The following MAP2 variants were observed in gnomAD, a reference collection of about 807,000 sequenced individuals.
MAP2 encodes microtubule associated protein 2.
MAP2 carries 14 observed loss-of-function variants against 137.6 expected under a neutral mutation model. The ratio of observed to expected loss-of-function variants is 0.10; its 90% CI spans 0.07 to 0.16. The LOEUF (loss-of-function observed/expected upper bound fraction) is 0.16, where lower values mean the gene tolerates loss of function less well. Among genes scored for constraint, MAP2 ranks in the 10% least tolerant of loss-of-function variants. MAP2 has a pLI of 1.00. For synonymous variants in MAP2, 786 were observed against 782.3 expected (o/e 1.00, Z -0.08); for missense variants, 2,088 against 2,191.5 (o/e 0.95, Z 0.94).
chr2:209,679,340 T>C (rs891190380), intron 6 of MAP2, among the ~76,000 whole-genome samples: 1 of 98,228 alleles, frequency 1.0e-5, no homozygotes, highest in Non-Finnish European at 1.8e-5. Context: ...GATAGATAGA[T>C]AGATAGATAG....
At chr2:209,700,484 A>G (rs572861152) in intron 11 of MAP2, 146 bp downstream of exon 11, 465 of 637,022 alleles carry the variant, frequency 7.3e-4, no homozygotes, top group Non-Finnish European at 1.1e-3. Flanking sequence ...TCTCCGTGGC[A>G]TCCAGGCATG....
chr2:209,613,845 G>A (rs2087960261), intron 3 of MAP2, among the ~76,000 whole-genome samples: 1 of 152,112 alleles, frequency 6.6e-6, no homozygotes, highest in East Asian at 1.9e-4. Context: ...AGTCCCAGAC[G>A]AGCCCAGGGT....
chr2:209,587,810 G>A (rs769368729), intron 3 of MAP2, among the ~76,000 whole-genome samples: 4 of 152,178 alleles, frequency 2.6e-5, no homozygotes, highest in African/African-American at 4.8e-5. Context: ...TCTGGACCAT[G>A]CCATGACCAG....
intron 1 of MAP2, among the ~76,000 whole-genome samples, chr2:209,455,589 A>G (rs571051273): frequency 1.3e-5 from 2 of 152,200 alleles, no homozygotes; most frequent in Non-Finnish European, 2.9e-5. Context: ...CACTTCAAAA[A>G]TTATTAGCAT....
Position 209,471,728 on chromosome 2 carries a change from T to C in MAP2, c.-221-35864T>C, listed in dbSNP as rs918512338. Among the ~76,000 whole-genome samples, 5 of 151,910 alleles carry C rather than the reference T, an allele frequency of 3.3e-5. No homozygotes were observed. The East Asian group carries it at 9.7e-4, about 29-fold the overall frequency. On this transcript the variant is annotated intron_variant, in intron 1 of 15. Coordinates refer to ENST00000682079, the MANE Select transcript of MAP2 (RefSeq NM_001375505.1). Reference sequence around the variant, plus strand: ...TATATTAATTTTCTTTTATTTGATATATGTTATTACCTTAAAAATATAGTT... The same window carrying C: ...TATATTAATTTTCTTTTATTTGATACATGTTATTACCTTAAAAATATAGTT...
At chr2:209,479,054 AT>A (rs1708097564) in intron 1 of MAP2, among the ~76,000 whole-genome samples, 1 of 152,194 alleles carries the variant, frequency 6.6e-6, no homozygotes, top group Non-Finnish European at 1.5e-5. Flanking sequence ...GTAAATATTC[AT>A]TTCTAATGTG....
At position 209,494,056 on chromosome 2, in the gene MAP2, G is replaced by A. The variant is rs138350362; in HGVS notation, c.-221-13536G>A. Among the ~76,000 whole-genome samples the A allele has an allele frequency of 6.4e-3, 979 of 152,232 alleles. 13 individuals are homozygous for A. The highest frequency in any genetic ancestry group is 0.022 in the African/African-American group (933 of 41,538). ...CCAAAATGCCCATCAATGTTAGACT[G>A]GATAAAGAAAATTTGGCATACATAC... On this transcript the variant is annotated intron_variant, in intron 1 of 15. Transcript: ENST00000682079.
chr2:209,603,286 T>C (rs2083534162), intron 3 of MAP2, among the ~76,000 whole-genome samples: 1 of 152,176 alleles, frequency 6.6e-6, no homozygotes. Flanking sequence ...TTATTTTTTC[T>C]ACCTACCATG....
intron 1 of MAP2, among the ~76,000 whole-genome samples, chr2:209,476,958 A>G (rs540839301): frequency 1.3e-5 from 2 of 152,324 alleles, no homozygotes; most frequent in African/African-American, 4.8e-5. Context: ...CCTTCATCAC[A>G]AAGATTGGCT....
intron 1 of MAP2, among the ~76,000 whole-genome samples, chr2:209,433,616 A>G (rs757077090): frequency 4.6e-5 from 7 of 152,124 alleles, no homozygotes; most frequent in Non-Finnish European, 7.4e-5. Context: ...TATATCTTCT[A>G]AATCCCTCTA....
At chr2:209,438,254 G>A (rs925849810) in intron 1 of MAP2, among the ~76,000 whole-genome samples, 11 of 151,546 alleles carry the variant, frequency 7.3e-5, no homozygotes, top group Admixed American at 2.6e-4. Context: ...TGTAGATAAG[G>A]ATGTGGATGT....
intron 1 of MAP2, among the ~76,000 whole-genome samples, chr2:209,442,064 A>AT (rs1697923717): frequency 6.6e-6 from 1 of 151,632 alleles, no homozygotes; most frequent in East Asian, 1.9e-4. Flanking sequence ...AAATTTGAGG[A>AT]TTTTCACAAA....
At chr2:209,482,792 C>T (rs926562388) in intron 1 of MAP2, among the ~76,000 whole-genome samples, 1 of 152,140 alleles carries the variant, frequency 6.6e-6, no homozygotes, top group Non-Finnish European at 1.5e-5. Flanking sequence ...TGAATTTTTG[C>T]CTGTTTCTGT....
intron 1 of MAP2, among the ~76,000 whole-genome samples, chr2:209,463,185 C>T (rs1433025429): frequency 6.6e-6 from 1 of 152,180 alleles, no homozygotes; most frequent in Non-Finnish European, 1.5e-5. Flanking sequence ...TGTTTCTATA[C>T]TGAGTCTTAT....
chr2:209,663,111 A>G (rs1433045905), intron 5 of MAP2, among the ~76,000 whole-genome samples: 2 of 152,154 alleles, frequency 1.3e-5, no homozygotes, highest in African/African-American at 2.4e-5. Context: ...ACTGGAGAGT[A>G]CCCAGCAGTT....
chr2:209,713,324 A>G (rs1212249498), intron 13 of MAP2, among the ~76,000 whole-genome samples: 1 of 149,524 alleles, frequency 6.7e-6, no homozygotes. Flanking sequence ...CTGTATGTAC[A>G]GGTTTTGTGC....
chr2:209,561,554 C>T (rs977175490), intron 2 of MAP2, among the ~76,000 whole-genome samples: 1 of 152,144 alleles, frequency 6.6e-6, no homozygotes, highest in Non-Finnish European at 1.5e-5. Flanking sequence ...GGACATTCCT[C>T]ATAAGGTCTG....
rs200573921 is a variant in MAP2, at chr2:209,695,117, G to C, written c.2947G>C (p.Ala983Pro). Residue 983 changes from alanine to proline, a missense_variant, in exon 8 of 16, where the codon GCT (alanine) becomes CCT (proline). Physicochemically the swap from Ala to Pro is conservative, Grantham distance 27. Around this residue, in one of 6 missense-constraint regions of MAP2, gnomAD observed 500 missense variants for 482.9 expected, o/e 1.04. Coordinates refer to ENST00000682079, the MANE Select transcript of MAP2 (RefSeq NM_001375505.1). The stretch of plus-strand genomic sequence containing the variant: ...AGAACATGCCAAGAAAACTGAAGAG[G>C]CTGGTGATGAAATAGAAACATTCGG... ...SKEHAKKTEE[A>P]GDEIETFGLG... 5.1e-5 allele frequency: 82 copies of C among 1,614,114 alleles called. No homozygotes were observed. The highest frequency in any genetic ancestry group is 6.5e-5 in the Non-Finnish European group (77 of 1,180,020).
intron 1 of MAP2, among the ~76,000 whole-genome samples, chr2:209,495,246 A>T (rs1337755381): frequency 6.6e-6 from 1 of 152,114 alleles, no homozygotes; most frequent in Non-Finnish European, 1.5e-5. Context: ...GAAGAGGGGG[A>T]TGTGGGTACA....
Sources: allele counts gnomAD v4.1 joint callset (sites outside exome capture counted in the v4.1 genomes callset), GRCh38; gene constraint gnomAD v4.1.1; regional missense constraint gnomAD v4.1.1; transcripts MANE v1.5; gene names NCBI Gene and HGNC (gene_info 2026-07-23, HGNC 2026-07-21).